Variants in IGF1 observed in about 807,000 individuals in gnomAD.
The protein encoded by IGF1 is insulin-like growth factor 1.
IGF1 carries 4 observed loss-of-function variants against 13.8 expected under a neutral mutation model. That is an observed-to-expected ratio of 0.29 (90% CI 0.14 to 0.66). IGF1 has a LOEUF of 0.66. Ranked by LOEUF, IGF1 falls within the 30% of genes least tolerant of loss-of-function variation. IGF1 has a pLI of 0.78. For synonymous variants in IGF1, 76 were observed against 72.6 expected (o/e 1.05, Z -0.23); for missense variants, 124 against 188.5 (o/e 0.66, Z 2.00).
intron 2 of IGF1, among the ~76,000 whole-genome samples, chr12:102,453,036 C>T (rs1274380362): frequency 2.0e-5 from 3 of 152,240 alleles, no homozygotes; most frequent in South Asian, 4.1e-4. Context: ...ATTTGGGGGT[C>T]GAGAAGCTGA....
chr12:102,449,782 A>G (rs934718966), intron 2 of IGF1, among the ~76,000 whole-genome samples: 7 of 151,570 alleles, frequency 4.6e-5, no homozygotes, highest in African/African-American at 7.3e-5. Flanking sequence ...TTACAGCCCT[A>G]TAATTCGATG....
chr12:102,419,429 C>A, intron 3 of IGF1, 80 bp downstream of exon 3: 3 of 1,386,416 alleles, frequency 2.2e-6, no homozygotes, highest in South Asian at 2.6e-5. Flanking sequence ...GACTATGGGG[C>A]AGGATTTCTG....
chr12:102,443,949 T>C (rs1419964137), intron 2 of IGF1, among the ~76,000 whole-genome samples: 1 of 151,978 alleles, frequency 6.6e-6, no homozygotes, highest in Non-Finnish European at 1.5e-5. Context: ...TGCCTCAACC[T>C]CCTAAATAGC....
At chr12:102,442,729 C>T (rs1020078578) in intron 2 of IGF1, among the ~76,000 whole-genome samples, 1 of 152,092 alleles carries the variant, frequency 6.6e-6, no homozygotes, top group Non-Finnish European at 1.5e-5. Context: ...ACACATCTGG[C>T]TAATGGATAG....
chr12:102,455,061 C>G (rs1324868107), intron 2 of IGF1, among the ~76,000 whole-genome samples: 3 of 152,194 alleles, frequency 2.0e-5, no homozygotes, highest in Non-Finnish European at 4.4e-5. Flanking sequence ...AGCCACCCAC[C>G]GTGCCATTCC....
chr12:102,456,808 C>A (rs915135660), intron 2 of IGF1, among the ~76,000 whole-genome samples: 1 of 152,142 alleles, frequency 6.6e-6, no homozygotes, highest in Non-Finnish European at 1.5e-5. Context: ...GAATGACAGT[C>A]CCCACGTTCC....
intron 2 of IGF1, among the ~76,000 whole-genome samples, chr12:102,449,462 G>A (rs1878717312): frequency 6.6e-6 from 1 of 151,898 alleles, no homozygotes; most frequent in Non-Finnish European, 1.5e-5. Flanking sequence ...CTTGATGGGT[G>A]CAGTAAACCA....
intron 2 of IGF1, among the ~76,000 whole-genome samples, chr12:102,469,421 G>T (rs1880551580): frequency 6.6e-6 from 1 of 152,166 alleles, no homozygotes; most frequent in Non-Finnish European, 1.5e-5. Context: ...GCATATCCTG[G>T]TGTATACAGG....
rs544187618 is a variant in IGF1, at chr12:102,428,230, T to G, written c.221-8540A>C. Among the ~76,000 whole-genome samples, 119 of 29,852 alleles carry G rather than the reference T, an allele frequency of 4.0e-3. 7 individuals carry two copies. The highest frequency in any genetic ancestry group is 0.011 in the African/African-American group (111 of 10,066). 19.6% of individuals were successfully genotyped at this position (29,852 alleles called of 152,430 possible). On this transcript the variant is annotated intron_variant, in intron 2 of 3. Coordinates refer to ENST00000337514, the MANE Select transcript of IGF1 (RefSeq NM_000618.5). ...CATGAACGACCCACTTTGTAATCAATAATGTGTATATATATATATGGCATA... is the reference window on the plus strand; with the variant it reads ...CATGAACGACCCACTTTGTAATCAAGAATGTGTATATATATATATGGCATA...
In IGF1 at chr12:102,411,714, G is replaced by T. The variant is rs17887104; in HGVS notation, c.402+7795C>A. 4.0e-3 allele frequency among the ~76,000 whole-genome samples: 604 copies of T among 152,304 alleles called. 1 individual carries two copies. The highest frequency in any genetic ancestry group is 6.8e-3 in the Middle Eastern group (2 of 294). On this transcript the variant is annotated intron_variant, in intron 3 of 3. Transcript: ENST00000337514. ...CATTTTGACCATGTCAGTTAGAGAA[G>T]CCCAGGAGGACAAGGTAACCCATTG...
chr12:102,404,806 G>A lies in IGF1; in HGVS notation c.403-2240C>T, dbSNP rs1873996511. 2.7e-5 allele frequency among the ~76,000 whole-genome samples: 4 copies of A among 145,804 alleles called. No individual in the cohort carries two copies. The Admixed American group carries it at 2.8e-4, about 10-fold the overall frequency. ...GGAGTCTCGCTCTGTCACCCAGGCTGGAGTGCAGTGGCGCGTTCTCAGCTC... is the reference window on the plus strand; with the variant it reads ...GGAGTCTCGCTCTGTCACCCAGGCTAGAGTGCAGTGGCGCGTTCTCAGCTC... On this transcript the variant is annotated intron_variant, in intron 3 of 3. Coordinates refer to ENST00000337514, the MANE Select transcript of IGF1 (RefSeq NM_000618.5).
chr12:102,442,160 G>T (rs990244774), intron 2 of IGF1, among the ~76,000 whole-genome samples: 1 of 150,670 alleles, frequency 6.6e-6, no homozygotes, highest in Non-Finnish European at 1.5e-5. Context: ...TGCTGCTCAG[G>T]CTGGTCTCGA....
At chr12:102,403,163 G>A (rs1267149919) in intron 3 of IGF1, among the ~76,000 whole-genome samples, 1 of 152,114 alleles carries the variant, frequency 6.6e-6, no homozygotes, top group East Asian at 1.9e-4. Context: ...AAACTTGTAT[G>A]AGTGGCAATC....
At position 102,402,631 on chromosome 12, in the gene IGF1, C is replaced by A. The variant is rs975224671; in HGVS notation, c.403-65G>T. On this transcript the variant is annotated intron_variant, in intron 3 of 3. Coordinates refer to ENST00000337514, the MANE Select transcript of IGF1 (RefSeq NM_000618.5). ...GTTTTATGTATCCATCTATTTCTAA[C>A]ATTGGGCCTCAACCTTCCATGTCTT... The A allele has an allele frequency of 9.5e-5, 74 of 776,504 alleles. 2 individuals are homozygous for A. The highest frequency in any genetic ancestry group is 7.4e-5 in the Non-Finnish European group (31 of 416,254). The allele number at this position is 776,504 out of a possible 1,614,324, so 48.1% of individuals were successfully genotyped here.
At chr12:102,478,537 G>A (rs1253164572) in intron 1 of IGF1, 1 of 1,610,318 alleles carries the variant, frequency 6.2e-7, no homozygotes, top group Admixed American at 1.7e-5. Flanking sequence ...GCAGGTCAGG[G>A]TGGGTATTAT....
chr12:102,398,964 G>T lies in IGF1; in HGVS notation c.*3543C>A, dbSNP rs1406785486. 7.2e-5 allele frequency: 11 copies of T among 152,176 alleles called. No individual in the cohort carries two copies. Among genetic ancestry groups the T allele is most frequent in the Admixed American group, 7.2e-4 (11 of 15,228 alleles). 9.4% of individuals were successfully genotyped at this position (152,176 alleles called of 1,614,324 possible). On this transcript the variant is annotated 3_prime_UTR_variant, in exon 4 of 4. Coordinates refer to ENST00000337514, the MANE Select transcript of IGF1 (RefSeq NM_000618.5). Reference sequence around the variant, plus strand: ...ACCCTGGAGCCACAGAGCATGAGATGGTTTCATCTACACAAACATTGACGT... The same window carrying T: ...ACCCTGGAGCCACAGAGCATGAGATTGTTTCATCTACACAAACATTGACGT...
intron 2 of IGF1, among the ~76,000 whole-genome samples, chr12:102,439,330 G>A (rs1274249341): frequency 2.6e-5 from 4 of 152,262 alleles, no homozygotes; most frequent in African/African-American, 7.2e-5. Context: ...TCAATGATGA[G>A]TAATGGACTA....
At position 102,402,514 on chromosome 12, in the gene IGF1, C is replaced by T. The variant is rs780893434; in HGVS notation, c.455G>A (p.Arg152Lys). 1.3e-6 allele frequency: 1 copy of T among 780,900 alleles called. No homozygotes were observed. The highest frequency in any genetic ancestry group is 1.3e-5 in the South Asian group (1 of 74,628). The allele number at this position is 780,900 out of a possible 1,614,324, so 48.4% of individuals were successfully genotyped here. A position where few individuals can be genotyped will look rare whatever the true frequency, so the allele number is the denominator to read the frequency against. Reference sequence around the variant, plus strand: ...CTCCTCAGGAGGGTCTTCCTACATCCTGTAGTTCTTGTTTCCTGCACTCCC... The same window carrying T: ...CTCCTCAGGAGGGTCTTCCTACATCTTGTAGTTCTTGTTTCCTGCACTCCC... The part of the protein sequence containing the change: ...SRGSAGNKNY[R>K]M The change falls in exon 4 of 4, where the codon AGG (arginine) becomes AAG (lysine). Residue 152 changes from arginine (R) to lysine (K), a missense_variant. Around this residue, in one of 2 missense-constraint regions of IGF1, gnomAD observed 25 missense variants for 17.1 expected, o/e 1.47. Coordinates refer to ENST00000337514, the MANE Select transcript of IGF1 (RefSeq NM_000618.5).
At chr12:102,424,670 T>A (rs1876039552) in intron 2 of IGF1, among the ~76,000 whole-genome samples, 1 of 152,210 alleles carries the variant, frequency 6.6e-6, no homozygotes, top group Admixed American at 6.5e-5. Flanking sequence ...TTTTAATTAC[T>A]ATTTTCATTT....
Sources: gnomAD v4.1 joint callset for allele counts (sites outside exome capture counted in the v4.1 genomes callset) on GRCh38, gnomAD v4.1.1 for gene constraint, gnomAD v4.1.1 regional missense constraint, MANE v1.5 for transcripts, NCBI Gene and HGNC (gene_info 2026-07-23, HGNC 2026-07-21) for gene names.